Variants in RANGAP1 observed in about 807,000 individuals in gnomAD.
The protein encoded by RANGAP1 is ran GTPase-activating protein 1.
In RANGAP1, 38 loss-of-function variants were observed where a neutral mutation model predicts 63.5. The ratio of observed to expected loss-of-function variants is 0.60; its 90% CI spans 0.46 to 0.78. The LOEUF is 0.78. Ranked by LOEUF, RANGAP1 falls within the 30% of genes least tolerant of loss-of-function variation. RANGAP1 has a pLI of 0.00. For synonymous variants in RANGAP1, 329 were observed against 310.5 expected (o/e 1.06, Z -0.63); for missense variants, 630 against 740.3 (o/e 0.85, Z 1.73).
the RANGAP1 span, among the ~76,000 whole-genome samples, chr22:41,294,224 G>A: frequency 2.0e-5 from 3 of 152,200 alleles, no homozygotes; most frequent in South Asian, 2.1e-4. Flanking sequence ...ACTGGTTTTC[G>A]TATTTTTTTG....
the RANGAP1 span, among the ~76,000 whole-genome samples, chr22:41,292,867 G>T: frequency 3.3e-5 from 5 of 152,088 alleles, no homozygotes; most frequent in South Asian, 8.3e-4. Flanking sequence ...ACCTTGGGAG[G>T]CTGAGGTGTG....
intron 3 of RANGAP1, among the ~76,000 whole-genome samples, chr22:41,271,031 G>A (rs968259945): frequency 1.3e-5 from 2 of 152,114 alleles, no homozygotes; most frequent in African/African-American, 4.8e-5. Context: ...CCAGCCTCTG[G>A]TATCCTATCT....
Position 41,268,165 on chromosome 22 carries a change from GA to G in RANGAP1, c.241-10del. ...TCACTCCAGTGGCAGCGCTGCAACGGAAAGAAGAGAAGAGTTAGCGGGAGAG... is the reference window on the plus strand; with the variant it reads ...TCACTCCAGTGGCAGCGCTGCAACGGAAGAAGAGAAGAGTTAGCGGGAGAG... On this transcript the variant is annotated splice_polypyrimidine_tract_variant and intron_variant, in intron 3 of 15. Transcript: ENST00000356244. The G allele has an allele frequency of 6.5e-7, 1 of 1,544,760 alleles. No individual in the cohort carries two copies. Among genetic ancestry groups the G allele is most frequent in the Non-Finnish European group, 8.8e-7 (1 of 1,140,050 alleles).
At chr22:41,274,003 A>C (rs998991722) in intron 3 of RANGAP1, among the ~76,000 whole-genome samples, 2 of 152,138 alleles carry the variant, frequency 1.3e-5, no homozygotes, top group Non-Finnish European at 2.9e-5. Context: ...GCTTGAACCC[A>C]GGAGGCGGAG....
intron 7 of RANGAP1, 47 bp from the exon 8 acceptor site, chr22:41,256,871 C>A: frequency 6.6e-7 from 1 of 1,526,666 alleles, no homozygotes; most frequent in East Asian, 2.3e-5. Context: ...AGACCACACC[C>A]CAGCCCTCAG....
chr22:41,295,499 A>C, the RANGAP1 span, among the ~76,000 whole-genome samples: 1 of 151,970 alleles, frequency 6.6e-6, no homozygotes, highest in Non-Finnish European at 1.5e-5. Context: ...GCTTGAAGGC[A>C]GCATGCTCCT....
chr22:41,257,857 T>TCC lies in RANGAP1; in HGVS notation c.774+89_774+90dup. 3 of 1,411,998 alleles carry TCC rather than the reference T, an allele frequency of 2.1e-6. No individual in the cohort carries two copies. The highest frequency in any genetic ancestry group is 2.9e-6 in the Non-Finnish European group (3 of 1,042,602). The allele number at this position is 1,411,998 out of a possible 1,614,324, so 87.5% of individuals were successfully genotyped here. ...AGGGGGCAGGCAGGGGGTAGAGGAG[T>TCC]CCCTGCTAAACGGAGCCCCAGCTTC... is the stretch of plus-strand genomic sequence containing the variant. On this transcript the variant is annotated intron_variant, in intron 7 of 15. Coordinates refer to ENST00000356244, the MANE Select transcript of RANGAP1 (RefSeq NM_002883.4). This position sits in a 1 kb window ranked among gnomAD's most constrained non-coding sequence, Gnocchi z 4.0.
At chr22:41,253,061 C>G (rs916451427) in intron 11 of RANGAP1, 70 bp from the exon 12 acceptor site, 2 of 1,331,698 alleles carry the variant, frequency 1.5e-6, no homozygotes, top group African/African-American at 3.1e-5. Context: ...CTGTGCCCAT[C>G]CCCACACCCA....
chr22:41,248,479 C>T (rs762666733), intron 15 of RANGAP1, among the ~76,000 whole-genome samples: 1 of 152,250 alleles, frequency 6.6e-6, no homozygotes, highest in Non-Finnish European at 1.5e-5. Flanking sequence ...TCCCCACATG[C>T]ACCAAGTATC....
At chr22:41,248,988 G>T (rs989485596) in intron 15 of RANGAP1, among the ~76,000 whole-genome samples, 1 of 152,228 alleles carries the variant, frequency 6.6e-6, no homozygotes, top group South Asian at 2.1e-4. Flanking sequence ...GCAGACATGG[G>T]TCTGGACACT....
chr22:41,260,314 A>C (rs972904612), intron 6 of RANGAP1, among the ~76,000 whole-genome samples: 2 of 152,152 alleles, frequency 1.3e-5, no homozygotes, highest in African/African-American at 4.8e-5. Flanking sequence ...TGAGGACAGC[A>C]GGCTGACGGC....
At chr22:41,283,066 T>A (rs2035577387) in intron 1 of RANGAP1, among the ~76,000 whole-genome samples, 1 of 152,140 alleles carries the variant, frequency 6.6e-6, no homozygotes, top group Admixed American at 6.6e-5. Context: ...GGGTAAGGTG[T>A]CCACTCATTC....
chr22:41,278,517 G>A (rs60171), intron 2 of RANGAP1, among the ~76,000 whole-genome samples: 111,628 of 152,190 alleles, frequency 0.73, 41,785 homozygotes, highest in Middle Eastern at 0.8. Context: ...TATCTGACAC[G>A]GTGTTCAATA....
In RANGAP1 at chr22:41,251,162, T is replaced by A. The variant is rs1601592290; in HGVS notation, c.1381-53A>T. ...CTGTGGCACGTGGTGGAGAGGTACCTGGGCTCTGACGCTAGCTAGGAGAGG... is the reference window on the plus strand; with the variant it reads ...CTGTGGCACGTGGTGGAGAGGTACCAGGGCTCTGACGCTAGCTAGGAGAGG... On this transcript the variant is annotated intron_variant, in intron 12 of 15. Coordinates refer to ENST00000356244, the MANE Select transcript of RANGAP1 (RefSeq NM_002883.4). 17 of 1,465,194 alleles carry A rather than the reference T, an allele frequency of 1.2e-5. 1 individual carries two copies. The East Asian group carries it at 3.9e-4, about 33-fold the overall frequency. The allele number at this position is 1,465,194 out of a possible 1,614,324, so 90.8% of individuals were successfully genotyped here.
intron 5 of RANGAP1, 61 bp from the exon 6 acceptor site, chr22:41,261,641 C>A (rs2034175601): frequency 1.2e-6 from 2 of 1,606,594 alleles, no homozygotes; most frequent in Admixed American, 1.7e-5. Flanking sequence ...AGCGGGGTGG[C>A]CACTGCTGCT....
chr22:41,246,200 G>T lies in RANGAP1; in HGVS notation c.*403C>A, dbSNP rs752829724. On this transcript the variant is annotated 3_prime_UTR_variant, in exon 16 of 16. Coordinates refer to ENST00000356244, the MANE Select transcript of RANGAP1 (RefSeq NM_002883.4). ...CACAGAGGGGAAGGACAGCACGCGG[G>T]CAACTCCCTGGGTTCTGGCTCCGCC... is the stretch of plus-strand genomic sequence containing the variant. The T allele has an allele frequency of 2.9e-5, 6 of 205,906 alleles. No individual in the cohort carries two copies. Among genetic ancestry groups the T allele is most frequent in the Non-Finnish European group, 6.0e-5 (6 of 100,062 alleles). 12.8% of individuals were successfully genotyped at this position (205,906 alleles called of 1,614,324 possible). A position where few individuals can be genotyped will look rare whatever the true frequency, so the allele number is the denominator to read the frequency against.
At chr22:41,288,093 C>G (rs1213942676), upstream of RANGAP1, among the ~76,000 whole-genome samples, 1 of 152,150 alleles carries the variant, frequency 6.6e-6, no homozygotes, top group Non-Finnish European at 1.5e-5. Context: ...TCATTACCAC[C>G]CTTCCCAGCA....
the RANGAP1 span, among the ~76,000 whole-genome samples, chr22:41,301,263 G>T: frequency 6.6e-6 from 1 of 152,198 alleles, no homozygotes; most frequent in African/African-American, 2.4e-5. Flanking sequence ...CACAGATGGG[G>T]AAGGGCGGAG....
At chr22:41,270,676 T>C (rs1218076629) in intron 3 of RANGAP1, among the ~76,000 whole-genome samples, 1 of 152,196 alleles carries the variant, frequency 6.6e-6, no homozygotes, top group Non-Finnish European at 1.5e-5. Context: ...CTCAAACTCC[T>C]GGGATCACGT....
Sources: gnomAD v4.1 joint callset for allele counts (sites outside exome capture counted in the v4.1 genomes callset) on GRCh38, gnomAD v4.1.1 for gene constraint, Gnocchi (gnomAD v3.1) non-coding constraint, MANE v1.5 for transcripts, NCBI Gene and HGNC (gene_info 2026-07-23, HGNC 2026-07-21) for gene names.